PIEZO2: variants seen among roughly 807,000 people sequenced by gnomAD.
The protein encoded by PIEZO2 is piezo type mechanosensitive ion channel component 2, also known as piezo-type mechanosensitive ion channel component 2.
A neutral mutation model predicts 337.3 loss-of-function variants in PIEZO2; 172 were observed. That is an observed-to-expected ratio of 0.51 (90% confidence interval 0.45 to 0.58). The LOEUF (loss-of-function observed/expected upper bound fraction) is 0.58, where lower values mean the gene tolerates loss of function less well. Ranked by LOEUF, PIEZO2 falls within the 20% of genes least tolerant of loss-of-function variation. The probability of loss-of-function intolerance (pLI) is 0.00; values close to 1 mark genes in which losing one functional copy is unlikely to be tolerated. For missense variants in PIEZO2, 3,028 were observed against 3,391.3 expected, an observed-to-expected ratio of 0.89 and a Z score of 2.66; for synonymous variants, 1,251 against 1,228.5, an observed-to-expected ratio of 1.02 and a Z score of -0.38.
chr18:11,012,754 T>C (rs1348998945), intron 2 of PIEZO2, among the ~76,000 whole-genome samples: 1 of 152,232 alleles, frequency 6.6e-6, no homozygotes, highest in Non-Finnish European at 1.5e-5. Flanking sequence ...TATTAAGTTA[T>C]TCATTTAGGC....
intron 31 of PIEZO2, among the ~76,000 whole-genome samples, chr18:10,743,323 G>A (rs1011042264): frequency 2.0e-5 from 3 of 152,160 alleles, no homozygotes; most frequent in Non-Finnish European, 2.9e-5. Context: ...AACTTTCCCA[G>A]GGGGCAAATG....
At chr18:11,142,738 G>C (rs1418803651) in intron 1 of PIEZO2, among the ~76,000 whole-genome samples, 1 of 141,016 alleles carries the variant, frequency 7.1e-6, no homozygotes, top group East Asian at 2.2e-4. Flanking sequence ...CCGAGATCGT[G>C]CCACTGCACT....
At position 10,833,969 on chromosome 18, in the gene PIEZO2, T is replaced by A. The variant is rs181015759; in HGVS notation, c.917+21384A>T. ...TAGAAGAGCAGAATAGGAGAGTGATTTAGAATACAGGCTTCAGAATTAGAG... is the reference window on the plus strand; with the variant it reads ...TAGAAGAGCAGAATAGGAGAGTGATATAGAATACAGGCTTCAGAATTAGAG... On this transcript the variant is annotated intron_variant, in intron 7 of 55. Transcript: ENST00000674853. The surrounding 1 kb of genome is among the most constrained non-coding windows in gnomAD (Gnocchi z 4.7). Among the ~76,000 whole-genome samples the A allele has an allele frequency of 1.4e-4, 22 of 152,364 alleles. 1 individual carries two copies. Among genetic ancestry groups the A allele is most frequent in the Admixed American group, 1.4e-3 (22 of 15,304 alleles).
At chr18:10,818,522 G>C (rs1156576472) in intron 7 of PIEZO2, among the ~76,000 whole-genome samples, 1 of 152,142 alleles carries the variant, frequency 6.6e-6, no homozygotes, top group Non-Finnish European at 1.5e-5. Context: ...ATAGCTATTT[G>C]TGTTGATTTG....
chr18:11,010,782 A>G (rs1041803871), intron 2 of PIEZO2, among the ~76,000 whole-genome samples: 53 of 152,360 alleles, frequency 3.5e-4, no homozygotes, highest in African/African-American at 1.3e-3. Flanking sequence ...TTCCATGAGG[A>G]CGAGGCCCAT....
chr18:11,010,971 G>A (rs1384152139), intron 2 of PIEZO2, among the ~76,000 whole-genome samples: 3 of 152,188 alleles, frequency 2.0e-5, no homozygotes, highest in African/African-American at 7.2e-5. Flanking sequence ...CTAAATTGAT[G>A]TGTTCATGCG....
In PIEZO2 at chr18:11,012,055, A is replaced by T. The variant is rs544023375; in HGVS notation, c.161-32395T>A. On this transcript the variant is annotated intron_variant, in intron 2 of 55. Coordinates refer to ENST00000674853, the MANE Select transcript of PIEZO2 (RefSeq NM_001378183.1). ...GGTCACCAATGGTGTTTATTGTCTT[A>T]TCCCTTTGCAAAAGCGAAAAAAAAA... Among the ~76,000 whole-genome samples, 13 of 149,070 alleles carry T rather than the reference A, an allele frequency of 8.7e-5. No homozygotes were observed. In the East Asian group the frequency reaches 2.5e-3, roughly 29 times the overall value.
Position 11,077,792 on chromosome 18 carries a change from A to G in PIEZO2, c.65-11570T>C, listed in dbSNP as rs897580960. 1.3e-5 allele frequency among the ~76,000 whole-genome samples: 2 copies of G among 152,212 alleles called. No homozygotes were observed. The highest frequency in any genetic ancestry group is 4.8e-5 in the African/African-American group (2 of 41,446). ...ATGTCAAAAACAGGTAGATACTAAC[A>G]CGTTCAGTTCAACATAAAATAAGGT... On this transcript the variant is annotated intron_variant, in intron 1 of 55. Transcript: ENST00000674853. This position sits in a 1 kb window ranked among gnomAD's most constrained non-coding sequence, Gnocchi z 4.8.
Position 11,148,348 on chromosome 18 carries a change from C to T in PIEZO2, c.64+177G>A, listed in dbSNP as rs966049048. 2.6e-5 allele frequency among the ~76,000 whole-genome samples: 4 copies of T among 152,160 alleles called. No homozygotes were observed. The highest frequency in any genetic ancestry group is 9.7e-5 in the African/African-American group (4 of 41,444). On this transcript the variant is annotated intron_variant, in intron 1 of 55. Transcript: ENST00000674853. This position sits in a 1 kb window ranked among gnomAD's most constrained non-coding sequence, Gnocchi z 5.2. ...TGTTAAGAGATACCCCGATCGCGCG[C>T]CCCAGAGTGGGAAGTGAGAGAGCCA...
At chr18:10,712,443 G>A (rs16975276) in intron 39 of PIEZO2, among the ~76,000 whole-genome samples, 43,081 of 152,146 alleles carry the variant, frequency 0.28, 6,259 homozygotes, top group East Asian at 0.4. Flanking sequence ...ATAGGGAGAC[G>A]ATTGTTGCAA....
intron 3 of PIEZO2, among the ~76,000 whole-genome samples, chr18:10,925,737 C>G (rs1362113030): frequency 6.6e-6 from 1 of 152,098 alleles, no homozygotes; most frequent in Non-Finnish European, 1.5e-5. Context: ...CCGCCCTAAT[C>G]TTCGGTATTT....
Position 11,098,244 on chromosome 18 carries a change from T to TACAC in PIEZO2, c.65-32026_65-32023dup, listed in dbSNP as rs150739388. 2.7e-3 allele frequency among the ~76,000 whole-genome samples: 391 copies of TACAC among 145,732 alleles called. 4 individuals are homozygous for TACAC. Among genetic ancestry groups the TACAC allele is most frequent in the African/African-American group, 5.1e-3 (206 of 40,090 alleles). ...TACTTTGGAAAATTCAGAAGCAAGA[T>TACAC]ACACACACACACACACACACACACA... On this transcript the variant is annotated intron_variant, in intron 1 of 55. Transcript: ENST00000674853.
Position 10,856,866 on chromosome 18 carries a change from T to G in PIEZO2, c.703+135A>C. 1 of 851,302 alleles carries G rather than the reference T, an allele frequency of 1.2e-6. No homozygotes were observed. Among genetic ancestry groups the G allele is most frequent in the South Asian group, 1.8e-5 (1 of 56,634 alleles). 52.7% of individuals were successfully genotyped at this position (851,302 alleles called of 1,614,324 possible). On this transcript the variant is annotated intron_variant, in intron 6 of 55. Transcript: ENST00000674853. This position sits in a 1 kb window ranked among gnomAD's most constrained non-coding sequence, Gnocchi z 4.7. ...GTGTGGTTTGTACATGTGGCCAGTT[T>G]TACAAGAGCTACAGTTATGATATTC...
chr18:10,898,901 A>G (rs1044400419), intron 4 of PIEZO2, among the ~76,000 whole-genome samples: 2 of 152,172 alleles, frequency 1.3e-5, no homozygotes, highest in South Asian at 4.1e-4. Flanking sequence ...AAAGAAAAGG[A>G]TTAAGTAAAC....
At chr18:10,806,034 C>T (rs1177196613) in intron 8 of PIEZO2, among the ~76,000 whole-genome samples, 4 of 152,258 alleles carry the variant, frequency 2.6e-5, no homozygotes, top group African/African-American at 4.8e-5. Context: ...TTGCTCTATG[C>T]TGGCCCCTAG....
At chr18:11,076,968 A>G (rs2038568624) in intron 1 of PIEZO2, among the ~76,000 whole-genome samples, 1 of 152,214 alleles carries the variant, frequency 6.6e-6, no homozygotes, top group Non-Finnish European at 1.5e-5. Context: ...AAGTTTGGCC[A>G]TGTTTATCTT....
chr18:11,020,038 CT>C (rs2036255375), intron 2 of PIEZO2, among the ~76,000 whole-genome samples: 2 of 152,172 alleles, frequency 1.3e-5, no homozygotes, highest in South Asian at 2.1e-4. Flanking sequence ...AATAAATCTT[CT>C]CTTTAAAAAA....
In PIEZO2 at chr18:11,148,516, C is replaced by G; in HGVS notation, c.64+9G>C. On this transcript the variant is annotated intron_variant, in intron 1 of 55. Transcript: ENST00000674853. This position sits in a 1 kb window ranked among gnomAD's most constrained non-coding sequence, Gnocchi z 5.2. ...CCTCAAGTGCCCTCGGAAAGCGGAC[C>G]AGACTCACCTACTGCCAGGCAGATG... 6.5e-7 allele frequency: 1 copy of G among 1,537,196 alleles called. No homozygotes were observed. Among genetic ancestry groups the G allele is most frequent in the Non-Finnish European group, 8.7e-7 (1 of 1,146,870 alleles).
intron 18 of PIEZO2, 148 bp from the exon 19 acceptor site, chr18:10,774,186 A>T: frequency 1.6e-6 from 1 of 638,686 alleles, no homozygotes; most frequent in Non-Finnish European, 2.8e-6. Flanking sequence ...TGCCAAATGC[A>T]TTCCAGGGTG....
Sources: gnomAD v4.1 joint callset for allele counts (sites outside exome capture counted in the v4.1 genomes callset) on GRCh38, gnomAD v4.1.1 for gene constraint, Gnocchi (gnomAD v3.1) non-coding constraint, MANE v1.5 for transcripts, NCBI Gene and HGNC (gene_info 2026-07-23, HGNC 2026-07-21) for gene names.